GPRIN2: variants seen among roughly 807,000 people sequenced by gnomAD.
The protein encoded by GPRIN2 is G protein-regulated inducer of neurite outgrowth 2.
In GPRIN2, 1 loss-of-function variant was observed where a neutral mutation model predicts 0.3. That is an observed-to-expected ratio of 3.90 (90% confidence interval 1.39 to 18.51). GPRIN2 has a LOEUF of 18.51. Ranked by LOEUF, GPRIN2 falls within the 30% of genes most tolerant of loss-of-function variation. The pLI, the probability that GPRIN2 is intolerant of heterozygous loss-of-function variation, is 0.11. For synonymous variants in GPRIN2, 361 were observed against 258.6 expected (o/e 1.40, Z -3.80); for missense variants, 880 against 604.2 (o/e 1.46, Z -4.79).
chr10:46,550,346 G>C lies in GPRIN2; in HGVS notation c.391C>G (p.Arg131Gly), dbSNP rs1832399190. The C allele has an allele frequency of 3.7e-6, 6 of 1,612,896 alleles. No homozygotes were observed. The highest frequency in any genetic ancestry group is 3.3e-5 in the South Asian group (3 of 91,038). Residue 131 changes from arginine (R) to glycine (G), a missense_variant, in exon 3 of 3, where the codon CGG becomes GGG. Transcript: ENST00000374314. Reference protein sequence around the residue: ...HSDLVRSTQMRGHSGARKASL... With the variant: ...HSDLVRSTQMGGHSGARKASL... The stretch of plus-strand genomic sequence containing the variant: ...GCCTTCCGAGCACCACTGTGTCCCC[G>C]CATCTGGGTGCTACGGACCAGGTCT...
At position 46,547,486 on chromosome 10, in the gene GPRIN2, G is replaced by T. The variant is rs1436568876; in HGVS notation, c.*1874C>A. Among the ~76,000 whole-genome samples the T allele has an allele frequency of 2.6e-5, 4 of 152,426 alleles. No individual in the cohort carries two copies. The highest frequency in any genetic ancestry group is 2.6e-4 in the Admixed American group (4 of 15,310). On this transcript the variant is annotated 3_prime_UTR_variant, in exon 3 of 3. Coordinates refer to ENST00000374314, the MANE Select transcript of GPRIN2 (RefSeq NM_001385282.1). ...GCCGCCACTGCAGAAACTCATTATG[G>T]CCCAGGCAGGACAGGCACATCCAAG...
At chr10:46,556,459 C>T (rs1831825137) in intron 1 of GPRIN2, among the ~76,000 whole-genome samples, 39 bp downstream of exon 1, 95 of 152,330 alleles carry the variant, frequency 6.2e-4, no homozygotes, top group African/African-American at 2.2e-3. Context: ...CCCACCACGC[C>T]CCCCGCCCCA....
Position 46,548,201 on chromosome 10 carries a change from C to G in GPRIN2, c.*1159G>C, listed in dbSNP as rs1402845794. Among the ~76,000 whole-genome samples, 1 of 152,302 alleles carries G rather than the reference C, an allele frequency of 6.6e-6. No individual in the cohort carries two copies. Among genetic ancestry groups the G allele is most frequent in the African/African-American group, 2.4e-5 (1 of 41,484 alleles). ...AACACAAGCCCACTCCCATTCTTCA[C>G]AGGCCTCGAGAAATCTTTGGGCAAT... On this transcript the variant is annotated 3_prime_UTR_variant, in exon 3 of 3. Coordinates refer to ENST00000374314, the MANE Select transcript of GPRIN2 (RefSeq NM_001385282.1).
chr10:46,550,399 C>A lies in GPRIN2; in HGVS notation c.338G>T (p.Ser113Ile). 6.2e-7 allele frequency: 1 copy of A among 1,611,996 alleles called. No homozygotes were observed. Among genetic ancestry groups the A allele is most frequent in the Non-Finnish European group, 8.5e-7 (1 of 1,179,670 alleles). ...ATGGCTCCTCTGCATAGCAGCAGCA[C>A]TAGGGGCCCGCAGGCGACACAGGTC... ...GSDLCRLRAP[S>I]AAAMQRSHSD... The change falls in exon 3 of 3, where the codon AGT becomes ATT. Residue 113 changes from serine to isoleucine, a missense_variant. Transcript: ENST00000374314.
intron 2 of GPRIN2, among the ~76,000 whole-genome samples, chr10:46,551,655 T>C (rs1842624057): frequency 6.6e-6 from 1 of 152,308 alleles, no homozygotes; most frequent in African/African-American, 2.4e-5. Context: ...TTTAATCCCC[T>C]CTTGCCCAGT....
rs1832462194 is a variant in GPRIN2 at position 46,550,164 on chromosome 10, C to T, written c.573G>A (p.Ala191=). Residue 191 remains alanine (A), a synonymous_variant, in exon 3 of 3, where the codon GCG becomes GCA. Transcript: ENST00000374314. ...CTAGTGGTGGCACTGACAACTGACT[C>T]GCCCCCAGCATCCAGGCTGAGTTAG... ...ETSNSAWMLG[A]SQLSVPPLDL... 13,848 of 1,524,126 alleles carry T rather than the reference C, an allele frequency of 9.1e-3. No homozygotes were observed. The highest frequency in any genetic ancestry group is 0.033 in the African/African-American group (2,417 of 72,408). 94.4% of individuals were successfully genotyped at this position (1,524,126 alleles called of 1,614,324 possible).
upstream of GPRIN2, among the ~76,000 whole-genome samples, chr10:46,557,125 G>C (rs2879873): frequency 6.6e-6 from 1 of 152,042 alleles, no homozygotes; most frequent in African/African-American, 2.4e-5. Context: ...TCCTAGCTCC[G>C]CCTCTCACAA....
Position 46,549,232 on chromosome 10 carries a change from A to C in GPRIN2, c.*128T>G. On this transcript the variant is annotated 3_prime_UTR_variant, in exon 3 of 3. Transcript: ENST00000374314. ...GGCTGCAGTCCTGTGGTCTGGAGGCAGCCAATATTCAGGTGAGAGATGTGC... is the reference window on the plus strand; with the variant it reads ...GGCTGCAGTCCTGTGGTCTGGAGGCCGCCAATATTCAGGTGAGAGATGTGC... 1 of 1,255,452 alleles carries C rather than the reference A, an allele frequency of 8.0e-7. No homozygotes were observed. Among genetic ancestry groups the C allele is most frequent in the Non-Finnish European group, 1.1e-6 (1 of 942,600 alleles). The allele number at this position is 1,255,452 out of a possible 1,614,324, so 77.8% of individuals were successfully genotyped here. A position where few individuals can be genotyped will look rare whatever the true frequency, so the allele number is the denominator to read the frequency against.
rs1373675782 is a variant in GPRIN2 at position 46,544,008 on chromosome 10, T to C, written c.*5352A>G. ...CAGCTTTCCTCAGGTGTTCTTCTGC[T>C]TTATTATTCCCGTGTAGCCACAGCA... is the stretch of plus-strand genomic sequence containing the variant. On this transcript the variant is annotated 3_prime_UTR_variant, in exon 3 of 3. Coordinates refer to ENST00000374314, the MANE Select transcript of GPRIN2 (RefSeq NM_001385282.1). Among the ~76,000 whole-genome samples, 6 of 152,394 alleles carry C rather than the reference T, an allele frequency of 3.9e-5. No individual in the cohort carries two copies. The highest frequency in any genetic ancestry group is 2.1e-4 in the South Asian group (1 of 4,832).
intron 2 of GPRIN2, among the ~76,000 whole-genome samples, chr10:46,553,027 C>T (rs1265123970): frequency 6.6e-6 from 1 of 152,310 alleles, no homozygotes; most frequent in Admixed American, 6.5e-5. Context: ...AAGGGCCAGA[C>T]ACGTGCCACA....
rs1588948551 is a variant in GPRIN2, at chr10:46,542,236, C to G, written c.*7124G>C. Among the ~76,000 whole-genome samples the G allele has an allele frequency of 6.6e-6, 1 of 152,308 alleles. No homozygotes were observed. The highest frequency in any genetic ancestry group is 2.4e-5 in the African/African-American group (1 of 41,488). On this transcript the variant is annotated 3_prime_UTR_variant, in exon 3 of 3. Coordinates refer to ENST00000374314, the MANE Select transcript of GPRIN2 (RefSeq NM_001385282.1). ...ATCTGAGTGGAGGGGAGAATTCTAC[C>G]CCTCCCAGGGTTCCAGCCCCAACAG...
rs1198762566 is a variant in GPRIN2 at position 46,548,724 on chromosome 10, C to T, written c.*636G>A. On this transcript the variant is annotated 3_prime_UTR_variant, in exon 3 of 3. Coordinates refer to ENST00000374314, the MANE Select transcript of GPRIN2 (RefSeq NM_001385282.1). ...ATGACTGCACTGACTGGACCGGGCA[C>T]ATGCTACAGGGCAACACCCACGGCT... is the stretch of plus-strand genomic sequence containing the variant. Among the ~76,000 whole-genome samples the T allele has an allele frequency of 6.6e-6, 1 of 152,424 alleles. No individual in the cohort carries two copies. Among genetic ancestry groups the T allele is most frequent in the Middle Eastern group, 3.4e-3 (1 of 294 alleles).
At position 46,546,129 on chromosome 10, in the gene GPRIN2, CCAGCA is replaced by C. The variant is rs1842138221; in HGVS notation, c.*3226_*3230del. Among the ~76,000 whole-genome samples, 2 of 152,308 alleles carry C rather than the reference CCAGCA, an allele frequency of 1.3e-5. No homozygotes were observed. The highest frequency in any genetic ancestry group is 4.8e-5 in the African/African-American group (2 of 41,484). On this transcript the variant is annotated 3_prime_UTR_variant, in exon 3 of 3. Transcript: ENST00000374314. ...GGCCATCCCTGCTTTTCCACCACCA[CCAGCA>C]CTGTGACCTCAGACCAGCTCTACTC... is the stretch of plus-strand genomic sequence containing the variant.
rs1833038522 is a variant in GPRIN2 at position 46,543,238 on chromosome 10, T to C, written c.*6122A>G. Among the ~76,000 whole-genome samples, 2 of 152,424 alleles carry C rather than the reference T, an allele frequency of 1.3e-5. No homozygotes were observed. The highest frequency in any genetic ancestry group is 1.9e-4 in the East Asian group (1 of 5,196). ...ACAGCTGGGGGCCTGGTGGGGGGAA[T>C]GGCCAAGACCGCAAGAAGAGAGACT... On this transcript the variant is annotated 3_prime_UTR_variant, in exon 3 of 3. Transcript: ENST00000374314.
At chr10:46,553,147 C>A (rs893194116) in intron 2 of GPRIN2, among the ~76,000 whole-genome samples, 1 of 152,308 alleles carries the variant, frequency 6.6e-6, no homozygotes, top group African/African-American at 2.4e-5. Flanking sequence ...CTCAGTGACC[C>A]CCAAGGGCAC....
rs1832626692 is a variant in GPRIN2 at position 46,549,685 on chromosome 10, C to T, written c.1052G>A (p.Ser351Asn). 4 of 1,614,108 alleles carry T rather than the reference C, an allele frequency of 2.5e-6. No homozygotes were observed. In the South Asian group the frequency reaches 4.4e-5, roughly 18 times the overall value. Residue 351 changes from serine (S) to asparagine (N), a missense_variant, in exon 3 of 3, where the codon AGT (serine) becomes AAT (asparagine). Transcript: ENST00000374314. ...PVAACKAVAT[S>N]PSLEAPAALH... ...GGCTGCAGGCGCTTCCAGGGACGGACTGGTGGCCACAGCCTTGCAGGCCGC... is the reference window on the plus strand; with the variant it reads ...GGCTGCAGGCGCTTCCAGGGACGGATTGGTGGCCACAGCCTTGCAGGCCGC...
chr10:46,548,207 TC>T lies in GPRIN2; in HGVS notation c.*1152del, dbSNP rs1158552181. ...AGCCCACTCCCATTCTTCACAGGCC[TC>T]GAGAAATCTTTGGGCAATGAAGTCA... On this transcript the variant is annotated 3_prime_UTR_variant, in exon 3 of 3. Coordinates refer to ENST00000374314, the MANE Select transcript of GPRIN2 (RefSeq NM_001385282.1). 2.6e-5 allele frequency among the ~76,000 whole-genome samples: 4 copies of T among 152,404 alleles called. No individual in the cohort carries two copies. The highest frequency in any genetic ancestry group is 3.4e-3 in the Middle Eastern group (1 of 294).
rs1832356718 is a variant in GPRIN2 at position 46,550,481 on chromosome 10, C to G, written c.256G>C (p.Ala86Pro). The change falls in exon 3 of 3, where the codon GCT becomes CCT. Residue 86 changes from alanine (A) to proline (P), a missense_variant. Ala to Pro is a conservative substitution (Grantham distance 27, BLOSUM62 -1). Transcript: ENST00000374314. ...RASGPKARPS[A>P]GGHWWSSTVG... The stretch of plus-strand genomic sequence containing the variant: ...GTGCTGCTCCACCAGTGGCCTCCAG[C>G]ACTGGGTCGCGCCTTGGGGCCAGAG... The G allele has an allele frequency of 6.2e-7, 1 of 1,610,618 alleles. No homozygotes were observed. Among genetic ancestry groups the G allele is most frequent in the South Asian group, 1.1e-5 (1 of 90,890 alleles).
chr10:46,556,352 G>C (rs1434722855), intron 1 of GPRIN2, among the ~76,000 whole-genome samples, 146 bp downstream of exon 1: 2 of 152,424 alleles, frequency 1.3e-5, no homozygotes, highest in African/African-American at 4.8e-5. Flanking sequence ...GCGGCCACCG[G>C]GGGCTCTGGG....
Sources: gnomAD v4.1 joint callset for allele counts (sites outside exome capture counted in the v4.1 genomes callset) on GRCh38, gnomAD v4.1.1 for gene constraint, MANE v1.5 for transcripts, NCBI Gene and HGNC (gene_info 2026-07-23, HGNC 2026-07-21) for gene names.